Variants in CNOT10 observed in about 807,000 individuals in gnomAD.
The protein encoded by CNOT10 is CCR4-NOT transcription complex, subunit 10.
CNOT10 carries 30 observed loss-of-function variants against 94.6 expected under a neutral mutation model. The ratio of observed to expected loss-of-function variants is 0.32; its 90% confidence interval spans 0.24 to 0.43. The LOEUF (loss-of-function observed/expected upper bound fraction) is 0.43, where lower values mean the gene tolerates loss of function less well. Among genes scored for constraint, CNOT10 ranks in the 20% least tolerant of loss-of-function variants. The pLI is 1.00. For synonymous variants in CNOT10, 289 were observed against 301.6 expected (o/e 0.96, Z 0.43); for missense variants, 759 against 877.2 (o/e 0.87, Z 1.70).
intron 13 of CNOT10, among the ~76,000 whole-genome samples, chr3:32,746,485 A>AT (rs1314599150): frequency 6.6e-6 from 1 of 152,156 alleles, no homozygotes; most frequent in Non-Finnish European, 1.5e-5. Flanking sequence ...ATCATCAGGC[A>AT]TTAGATTCTC....
chr3:32,771,947 C>T (rs1334979626), intron 18 of CNOT10, among the ~76,000 whole-genome samples: 1 of 152,160 alleles, frequency 6.6e-6, no homozygotes, highest in Non-Finnish European at 1.5e-5. Flanking sequence ...CAGGTCATGC[C>T]TCTAGGGCAT....
intron 13 of CNOT10, among the ~76,000 whole-genome samples, chr3:32,756,749 C>A (rs1337498800): frequency 6.6e-6 from 1 of 152,198 alleles, no homozygotes; most frequent in African/African-American, 2.4e-5. Flanking sequence ...TAGGAAACCA[C>A]AGATGTGTGC....
intron 9 of CNOT10, among the ~76,000 whole-genome samples, chr3:32,727,400 T>C (rs908254021): frequency 4.6e-5 from 7 of 152,184 alleles, no homozygotes; most frequent in Admixed American, 6.6e-5. Flanking sequence ...CCATCACTTA[T>C]CTTTGCCTTC....
intron 8 of CNOT10, among the ~76,000 whole-genome samples, chr3:32,724,578 A>G (rs1051544656): frequency 6.6e-6 from 1 of 151,860 alleles, no homozygotes; most frequent in Non-Finnish European, 1.5e-5. Flanking sequence ...ACGCCCGGCT[A>G]ATTTTTTGTA....
At position 32,733,452 on chromosome 3, in the gene CNOT10, C is replaced by T; in HGVS notation, c.1245C>T (p.Pro415=). Residue 415 remains proline (P), a synonymous_variant, in exon 11 of 19, where the codon CCC becomes CCT. Transcript: ENST00000328834. ...GTSEQETKGL[P]SKKGIVQSIV... The stretch of plus-strand genomic sequence containing the variant: ...CTGAACAAGAAACTAAAGGCCTTCC[C>T]AGCAAAAAAGGAATTGTACAGTCTA... The T allele has an allele frequency of 6.3e-7, 1 of 1,595,288 alleles. No homozygotes were observed. Among genetic ancestry groups the T allele is most frequent in the Non-Finnish European group, 8.5e-7 (1 of 1,169,882 alleles).
At chr3:32,773,392 T>G in intron 18 of CNOT10, 65 bp from the exon 19 acceptor site, 1 of 1,485,192 alleles carries the variant, frequency 6.7e-7, no homozygotes, top group Non-Finnish European at 9.1e-7. Context: ...AGGATTTTCA[T>G]GTCTTGCTTT....
At position 32,699,033 on chromosome 3, in the gene CNOT10, G is replaced by A. The variant is rs142564950; in HGVS notation, c.23-4835G>A. ...ACTCCTGGGCTCAAGTGATCCACCCGCGTTGGCCTCCCAAAATGCTGGAAC... is the reference window on the plus strand; with the variant it reads ...ACTCCTGGGCTCAAGTGATCCACCCACGTTGGCCTCCCAAAATGCTGGAAC... On this transcript the variant is annotated intron_variant, in intron 1 of 18. Transcript: ENST00000328834. Among the ~76,000 whole-genome samples, 6 of 152,178 alleles carry A rather than the reference G, an allele frequency of 3.9e-5. No homozygotes were observed. In the East Asian group the frequency reaches 5.8e-4, roughly 15 times the overall value.
At chr3:32,687,453 T>TTTTTTTG (rs1696664142) in intron 1 of CNOT10, among the ~76,000 whole-genome samples, 7 of 57,220 alleles carry the variant, frequency 1.2e-4, no homozygotes, top group Admixed American at 2.4e-4. Flanking sequence ...TTTTTTTTTG[T>TTTTTTTG]TTTTTTTTTT....
intron 8 of CNOT10, among the ~76,000 whole-genome samples, chr3:32,720,928 T>G (rs1219602556): frequency 7.5e-6 from 1 of 133,938 alleles, no homozygotes. Flanking sequence ...CCTTCCTTCC[T>G]TCCTTCCCTT....
chr3:32,750,908 C>G lies in CNOT10; in HGVS notation c.1596-8550C>G, dbSNP rs542460087. On this transcript the variant is annotated intron_variant, in intron 13 of 18. Transcript: ENST00000328834. ...AATAACTGTCATGGGTATGAACTGA[C>G]TCTTACATGTTGCTTATTATAGAAC... Among the ~76,000 whole-genome samples, 28 of 152,250 alleles carry G rather than the reference C, an allele frequency of 1.8e-4. No homozygotes were observed. The South Asian group carries it at 3.5e-3, about 19-fold the overall frequency.
At chr3:32,746,451 G>T (rs915195780) in intron 13 of CNOT10, among the ~76,000 whole-genome samples, 1 of 152,190 alleles carries the variant, frequency 6.6e-6, no homozygotes, top group African/African-American at 2.4e-5. Context: ...GGTCCCATGT[G>T]GGGGTGATGG....
chr3:32,758,941 G>A (rs1700325017), intron 13 of CNOT10, among the ~76,000 whole-genome samples: 1 of 152,048 alleles, frequency 6.6e-6, no homozygotes, highest in Non-Finnish European at 1.5e-5. Flanking sequence ...CTATGGTTTA[G>A]CAAGAACTGT....
At chr3:32,709,700 G>C (rs1697785099) in intron 4 of CNOT10, among the ~76,000 whole-genome samples, 3 of 140,540 alleles carry the variant, frequency 2.1e-5, no homozygotes, top group Admixed American at 7.1e-5. Context: ...AGACACCAGT[G>C]GTAAGGGATT....
chr3:32,715,948 G>T, intron 5 of CNOT10: 1 of 245,644 alleles, frequency 4.1e-6, no homozygotes. Flanking sequence ...TGGGACTACA[G>T]GTACATGGCC....
chr3:32,770,842 T>C (rs1414791835), intron 18 of CNOT10, among the ~76,000 whole-genome samples: 3 of 152,040 alleles, frequency 2.0e-5, no homozygotes, highest in African/African-American at 7.2e-5. Context: ...GCCTCTCAAG[T>C]AGCTGGGATT....
At chr3:32,747,897 G>A (rs1325349331) in intron 13 of CNOT10, among the ~76,000 whole-genome samples, 3 of 151,780 alleles carry the variant, frequency 2.0e-5, no homozygotes, top group Non-Finnish European at 4.4e-5. Context: ...GCAGTGAACC[G>A]AGATTGTGCC....
In CNOT10 at chr3:32,720,182, G is replaced by A. The variant is rs746210525; in HGVS notation, c.813G>A (p.Lys271=). Residue 271 remains lysine (K), a synonymous_variant, in exon 8 of 19, where the codon AAG becomes AAA. Transcript: ENST00000328834. ...YLRGNYRKAV[K]LLNSSNIAEH... is the part of the protein sequence containing the mutation. ...GAGGTAATTATCGAAAAGCCGTGAA[G>A]CTATTAAATAGTTCAAACATTGCTG... The A allele has an allele frequency of 6.4e-7, 1 of 1,551,818 alleles. No homozygotes were observed. The highest frequency in any genetic ancestry group is 8.8e-7 in the Non-Finnish European group (1 of 1,136,090).
At chr3:32,744,235 T>A (rs1699600233) in intron 13 of CNOT10, among the ~76,000 whole-genome samples, 1 of 152,184 alleles carries the variant, frequency 6.6e-6, no homozygotes, top group South Asian at 2.1e-4. Flanking sequence ...TCTTTGAGAT[T>A]TCATCTATTT....
chr3:32,696,764 A>C (rs1460196920), intron 1 of CNOT10, among the ~76,000 whole-genome samples: 1 of 151,606 alleles, frequency 6.6e-6, no homozygotes, highest in Non-Finnish European at 1.5e-5. Flanking sequence ...CACCTGGCTA[A>C]GTTTTGTGTT....
Sources: gnomAD v4.1 joint callset for allele counts (sites outside exome capture counted in the v4.1 genomes callset) on GRCh38, gnomAD v4.1.1 for gene constraint, MANE v1.5 for transcripts, NCBI Gene and HGNC (gene_info 2026-07-23, HGNC 2026-07-21) for gene names.